Variants in MEI1 observed in about 807,000 individuals in gnomAD.
MEI1 encodes the protein meiotic double-stranded break formation protein 1.
MEI1 carries 103 observed loss-of-function variants against 146.2 expected under a neutral mutation model. The observed-to-expected ratio is 0.70, with a 90% CI of 0.60 to 0.83. The LOEUF (loss-of-function observed/expected upper bound fraction) is 0.83. MEI1 is among the 40% of genes least tolerant of loss of function. The probability of loss-of-function intolerance (pLI) is 0.00; values close to 1 mark genes in which losing one functional copy is unlikely to be tolerated. For missense variants in MEI1, 1,529 were observed against 1,533.0 expected, an observed-to-expected ratio of 1.00 and a Z score of 0.04; for synonymous variants, 652 against 628.2, an observed-to-expected ratio of 1.04 and a Z score of -0.57.
intron 26 of MEI1, among the ~76,000 whole-genome samples, chr22:41,793,177 C>T (rs2076246460): frequency 1.3e-5 from 2 of 151,096 alleles, no homozygotes; most frequent in Non-Finnish European, 2.9e-5. Flanking sequence ...GCTGGGATTA[C>T]AGGCGCCCAC....
At chr22:41,743,497 A>G (rs5751149) in intron 12 of MEI1, among the ~76,000 whole-genome samples, 126,889 of 152,190 alleles carry the variant, frequency 0.83, 53,853 homozygotes, top group African/African-American at 0.95. Flanking sequence ...AGTCTATTAC[A>G]CACATTCTCT....
chr22:41,747,736 C>CCCAAA (rs1569240908), intron 14 of MEI1, among the ~76,000 whole-genome samples: 2 of 133,228 alleles, frequency 1.5e-5, no homozygotes, highest in Admixed American at 7.6e-5. Context: ...CCCACCCCCC[C>CCCAAA]AAAAAAAACA....
intron 26 of MEI1, among the ~76,000 whole-genome samples, chr22:41,791,990 G>C (rs982984537): frequency 2.0e-5 from 3 of 152,176 alleles, no homozygotes; most frequent in African/African-American, 7.2e-5. Flanking sequence ...GTGGAGAGAT[G>C]GGGGAATGAA....
chr22:41,780,158 CT>C (rs1188294624), intron 22 of MEI1, among the ~76,000 whole-genome samples: 5 of 152,208 alleles, frequency 3.3e-5, no homozygotes, highest in Non-Finnish European at 5.9e-5. Context: ...CAAACTCAGC[CT>C]TCAGAAGAGC....
rs369138291 is a variant in MEI1, at chr22:41,718,237, T to A, written c.696T>A (p.Asp232Glu). 1.2e-6 allele frequency: 2 copies of A among 1,613,876 alleles called. No individual in the cohort carries two copies. The highest frequency in any genetic ancestry group is 2.2e-5 in the East Asian group (1 of 44,900). The change falls in exon 6 of 31, where the codon GAT (aspartate) becomes GAA (glutamate). Residue 232 changes from aspartate to glutamate, a missense_variant. Physicochemically the swap from Asp to Glu is conservative, Grantham distance 45. Around this residue, in one of 3 missense-constraint regions of MEI1, gnomAD observed 1,212 missense variants for 1,178.9 expected, o/e 1.03. Transcript: ENST00000401548. ...TTCCCCTCTTCCTTTCCATCCTGGA[T>A]GGTGCCCAGACAAAGGAGCTGCAGA... ...KLFPLFLSIL[D>E]GAQTKELQIN...
chr22:41,718,871 TTTC>T (rs2070457727), intron 6 of MEI1, among the ~76,000 whole-genome samples: 1 of 152,028 alleles, frequency 6.6e-6, no homozygotes, highest in Non-Finnish European at 1.5e-5. Flanking sequence ...TGTCCTTTTT[TTTC>T]TTTTTTCTTT....
intron 11 of MEI1, among the ~76,000 whole-genome samples, chr22:41,733,999 A>C (rs1425370780): frequency 1.3e-5 from 2 of 151,586 alleles, no homozygotes; most frequent in Non-Finnish European, 2.9e-5. Flanking sequence ...GTGGTGTCAC[A>C]CACCTGTAAT....
At chr22:41,724,747 T>C (rs2071169482) in intron 7 of MEI1, among the ~76,000 whole-genome samples, 1 of 151,524 alleles carries the variant, frequency 6.6e-6, no homozygotes, top group Admixed American at 6.6e-5. Context: ...GCCATGATCA[T>C]GCCACTACAC....
intron 24 of MEI1, among the ~76,000 whole-genome samples, chr22:41,783,842 G>C (rs2075849881): frequency 6.6e-6 from 1 of 152,036 alleles, no homozygotes; most frequent in South Asian, 2.1e-4. Flanking sequence ...ACCATGCCCA[G>C]ATAATGTTTT....
chr22:41,762,051 C>G (rs939230235), intron 18 of MEI1, among the ~76,000 whole-genome samples: 6 of 152,166 alleles, frequency 3.9e-5, no homozygotes, highest in African/African-American at 1.4e-4. Flanking sequence ...ACATTTGGGC[C>G]TATCCACCTT....
rs1037192201 is a variant in MEI1, at chr22:41,763,454, T to C, written c.2268+133T>C. On this transcript the variant is annotated intron_variant, in intron 19 of 30. Transcript: ENST00000401548. Reference sequence around the variant, plus strand: ...AGACAAAGCGGAGGTGTTAGGAGTGTGGAGAGGAGTAGGATGCAGACTCAT... The same window carrying C: ...AGACAAAGCGGAGGTGTTAGGAGTGCGGAGAGGAGTAGGATGCAGACTCAT... The C allele has an allele frequency of 7.5e-6, 7 of 939,016 alleles. No homozygotes were observed. In the African/African-American group the frequency reaches 8.3e-5, roughly 11 times the overall value. 58.2% of individuals were successfully genotyped at this position (939,016 alleles called of 1,614,324 possible).
At chr22:41,786,770 T>C (rs1459360860) in intron 26 of MEI1, among the ~76,000 whole-genome samples, 2 of 152,182 alleles carry the variant, frequency 1.3e-5, no homozygotes, top group Admixed American at 1.3e-4. Flanking sequence ...TGGTTCCCCA[T>C]GGGAAAACTG....
At chr22:41,705,460 G>A (rs370522835) in intron 2 of MEI1, 44 bp from the exon 3 acceptor site, 87 of 1,575,512 alleles carry the variant, frequency 5.5e-5, no homozygotes, top group South Asian at 4.4e-4. Flanking sequence ...GTGTGCCACC[G>A]CGCCCTGCCT....
rs79978768 is a variant in MEI1, at chr22:41,767,637, T to C, written c.2269-3049T>C. ...GTTGAACACAACTCTATGCCGATGA[T>C]TTTTTATTTGCTTCTCAACATTTCA... is the stretch of plus-strand genomic sequence containing the variant. On this transcript the variant is annotated intron_variant, in intron 19 of 30. Transcript: ENST00000401548. 4.7e-3 allele frequency: 2,136 copies of C among 454,028 alleles called. 25 individuals carry two copies. Among genetic ancestry groups the C allele is most frequent in the African/African-American group, 0.036 (1,784 of 50,178 alleles). 28.1% of individuals were successfully genotyped at this position (454,028 alleles called of 1,614,324 possible).
intron 11 of MEI1, among the ~76,000 whole-genome samples, chr22:41,735,775 G>A (rs374078127): frequency 6.6e-6 from 1 of 152,104 alleles, no homozygotes; most frequent in African/African-American, 2.4e-5. Context: ...TCAGAAGCTG[G>A]CAGCTCTTTA....
At position 41,795,354 on chromosome 22, in the gene MEI1, T is replaced by C. The variant is rs879024232; in HGVS notation, c.3535-57T>C. On this transcript the variant is annotated intron_variant, in intron 28 of 30. Coordinates refer to ENST00000401548, the MANE Select transcript of MEI1 (RefSeq NM_152513.4). The surrounding 1 kb of genome is among the most constrained non-coding windows in gnomAD (Gnocchi z 4.2). ...CTAAAGTTGGGGCACAGCAGTTGTCTATGATGAAGGAGATGCCAAATCACT... is the reference window on the plus strand; with the variant it reads ...CTAAAGTTGGGGCACAGCAGTTGTCCATGATGAAGGAGATGCCAAATCACT... 1.4e-5 allele frequency: 23 copies of C among 1,602,500 alleles called. No homozygotes were observed. In the South Asian group the frequency reaches 2.0e-4, roughly 14 times the overall value.
At chr22:41,761,541 C>G (rs907220454) in intron 18 of MEI1, among the ~76,000 whole-genome samples, 1 of 152,004 alleles carries the variant, frequency 6.6e-6, no homozygotes, top group Non-Finnish European at 1.5e-5. Flanking sequence ...GTCTGGATCT[C>G]CTGACCTCGT....
intron 26 of MEI1, among the ~76,000 whole-genome samples, chr22:41,792,520 T>C (rs182190005): frequency 3.9e-5 from 6 of 152,156 alleles, no homozygotes; most frequent in African/African-American, 1.4e-4. Flanking sequence ...AAAGTGTTAG[T>C]TGAAATAAGA....
chr22:41,747,634 G>A (rs781701438), intron 14 of MEI1, among the ~76,000 whole-genome samples: 4 of 151,876 alleles, frequency 2.6e-5, no homozygotes, highest in Admixed American at 2.0e-4. Context: ...AACCCGAGAG[G>A]CAGAGGTTTC....
Sources: gnomAD v4.1 joint callset for allele counts (sites outside exome capture counted in the v4.1 genomes callset) on GRCh38, gnomAD v4.1.1 for gene constraint, gnomAD v4.1.1 regional missense constraint, Gnocchi (gnomAD v3.1) non-coding constraint, MANE v1.5 for transcripts, NCBI Gene and HGNC (gene_info 2026-07-23, HGNC 2026-07-21) for gene names.